FASLG: variants seen among roughly 807,000 people sequenced by gnomAD.
FASLG encodes the protein Fas ligand.
FASLG carries 9 observed loss-of-function variants against 24.6 expected under a neutral mutation model. That is an observed-to-expected ratio of 0.37 (90% CI 0.22 to 0.64). The LOEUF (loss-of-function observed/expected upper bound fraction) is 0.64, where lower values mean the gene tolerates loss of function less well. FASLG is among the 30% of genes least tolerant of loss of function. The pLI, the probability that FASLG is intolerant of heterozygous loss-of-function variation, is 0.64. For synonymous variants in FASLG, 130 were observed against 135.5 expected (o/e 0.96, Z 0.28); for missense variants, 306 against 345.3 (o/e 0.89, Z 0.90).
chr1:172,665,918 A>G lies in FASLG; in HGVS notation c.748A>G (p.Asn250Asp), dbSNP rs1659251672. ...CAGCAGCTACCTGGGGGCAGTGTTC[A>G]ATCTTACCAGTGCTGATCATTTATA... ...ARSSYLGAVFNLTSADHLYVN... is the reference protein window; with the variant it reads ...ARSSYLGAVFDLTSADHLYVN... Residue 250 changes from asparagine (N) to aspartate (D), a missense_variant, in exon 4 of 4, where the codon AAT becomes GAT. By Grantham distance (23) the Asn-to-Asp change is conservative. Coordinates refer to ENST00000367721, the MANE Select transcript of FASLG (RefSeq NM_000639.3). 6.2e-7 allele frequency: 1 copy of G among 1,612,206 alleles called. No homozygotes were observed.
Position 172,665,678 on chromosome 1 carries a change from C to G in FASLG, c.508C>G (p.Leu170Val). The G allele has an allele frequency of 6.2e-7, 1 of 1,614,158 alleles. No homozygotes were observed. Among genetic ancestry groups the G allele is most frequent in the Non-Finnish European group, 8.5e-7 (1 of 1,180,024 alleles). The part of the protein sequence containing the change: ...LEWEDTYGIV[L>V]LSGVKYKKGG... The stretch of plus-strand genomic sequence containing the variant: ...ATGGGAAGACACCTATGGAATTGTC[C>G]TGCTTTCTGGAGTGAAGTATAAGAA... Residue 170 changes from leucine (L) to valine (V), a missense_variant, in exon 4 of 4, where the codon CTG becomes GTG. Physicochemically the swap from Leu to Val is conservative, Grantham distance 32 (BLOSUM62 1). Transcript: ENST00000367721.
chr1:172,665,840 A>G lies in FASLG; in HGVS notation c.670A>G (p.Met224Val), dbSNP rs111238176. 6.2e-7 allele frequency: 1 copy of G among 1,614,090 alleles called. No homozygotes were observed. Among genetic ancestry groups the G allele is most frequent in the Non-Finnish European group, 8.5e-7 (1 of 1,180,004 alleles). ...RNSKYPQDLV[M>V]MEGKMMSYCT... ...CTCTAAGTATCCCCAGGATCTGGTGATGATGGAGGGGAAGATGATGAGCTA... is the reference window on the plus strand; with the variant it reads ...CTCTAAGTATCCCCAGGATCTGGTGGTGATGGAGGGGAAGATGATGAGCTA... Residue 224 changes from methionine to valine, a missense_variant, in exon 4 of 4, where the codon ATG becomes GTG. Transcript: ENST00000367721.
intron 3 of FASLG, 81 bp from the exon 4 acceptor site, chr1:172,665,541 G>T: frequency 1.3e-6 from 2 of 1,515,212 alleles, no homozygotes; most frequent in Non-Finnish European, 1.8e-6. Context: ...TGAAGGAAGG[G>T]CCCACAGTTT....
Position 172,659,172 on chromosome 1 carries a change from TGCTGG to T in FASLG, c.-28_-24del. ...AGGACTGAGAAGAAGTAAAACCGTTTGCTGGGGCTGGCCTGACTCACCAGCTGCCA... is the reference window on the plus strand; with the variant it reads ...AGGACTGAGAAGAAGTAAAACCGTTTGGCTGGCCTGACTCACCAGCTGCCA... On this transcript the variant is annotated 5_prime_UTR_variant, in exon 1 of 4. Transcript: ENST00000367721. 1 of 1,614,064 alleles carries T rather than the reference TGCTGG, an allele frequency of 6.2e-7. No homozygotes were observed. Among genetic ancestry groups the T allele is most frequent in the Admixed American group, 1.7e-5 (1 of 60,004 alleles).
rs61761322 is a variant in FASLG, at chr1:172,659,353, C to T, written c.152C>T (p.Pro51Leu). 84 of 1,611,992 alleles carry T rather than the reference C, an allele frequency of 5.2e-5. 1 individual carries two copies. The East Asian group carries it at 9.6e-4, about 18-fold the overall frequency. Residue 51 changes from proline to leucine, a missense_variant, in exon 1 of 4, where the codon CCG becomes CTG. Pro to Leu is a moderately conservative substitution (Grantham distance 98). Transcript: ENST00000367721. ...GQRRPPPPPP[P>L]PPLPPPPPPP... ...AGGAGGCCACCACCACCACCGCCAC[C>T]GCCACCACTACCACCTCCGCCGCCG...
chr1:172,665,765 G>C lies in FASLG; in HGVS notation c.595G>C (p.Gly199Arg). 1 of 1,613,974 alleles carries C rather than the reference G, an allele frequency of 6.2e-7. No homozygotes were observed. Among genetic ancestry groups the C allele is most frequent in the Non-Finnish European group, 8.5e-7 (1 of 1,179,988 alleles). The change falls in exon 4 of 4, where the codon GGT (glycine) becomes CGT (arginine). Residue 199 changes from glycine to arginine, a missense_variant. By Grantham distance (125) the Gly-to-Arg change is moderately radical. Coordinates refer to ENST00000367721, the MANE Select transcript of FASLG (RefSeq NM_000639.3). ...TGTATATTCCAAAGTATACTTCCGG[G>C]GTCAATCTTGCAACAACCTGCCCCT... is the stretch of plus-strand genomic sequence containing the variant. ...YFVYSKVYFR[G>R]QSCNNLPLSH...
chr1:172,660,484 G>A (rs1307440289), intron 2 of FASLG, among the ~76,000 whole-genome samples: 7 of 152,176 alleles, frequency 4.6e-5, no homozygotes, highest in East Asian at 1.9e-4. Flanking sequence ...TGGCACACAC[G>A]CCAGTGGCTG....
intron 1 of FASLG, 44 bp from the exon 2 acceptor site, chr1:172,660,051 A>G (rs1196814183): frequency 1.3e-6 from 2 of 1,589,186 alleles, no homozygotes; most frequent in East Asian, 2.2e-5. Context: ...TTGCTTAAAG[A>G]ATTTTATTTT....
intron 2 of FASLG, among the ~76,000 whole-genome samples, chr1:172,662,471 G>A (rs935601997): frequency 1.3e-5 from 2 of 152,340 alleles, no homozygotes; most frequent in African/African-American, 4.8e-5. Flanking sequence ...GGAGCTTTTA[G>A]CAGGGGGAAG....
chr1:172,665,923 T>C lies in FASLG; in HGVS notation c.753T>C (p.Leu251=), dbSNP rs1343581548. The C allele has an allele frequency of 6.2e-7, 1 of 1,613,364 alleles. No individual in the cohort carries two copies. Among genetic ancestry groups the C allele is most frequent in the Non-Finnish European group, 8.5e-7 (1 of 1,179,422 alleles). The change falls in exon 4 of 4, where the codon CTT becomes CTC. Residue 251 remains leucine, a synonymous_variant. Coordinates refer to ENST00000367721, the MANE Select transcript of FASLG (RefSeq NM_000639.3). ...RSSYLGAVFN[L]TSADHLYVNV... ...GCTACCTGGGGGCAGTGTTCAATCT[T>C]ACCAGTGCTGATCATTTATATGTCA...
At position 172,659,493 on chromosome 1, in the gene FASLG, G is replaced by GTT; in HGVS notation, c.292_293insTT (p.Gly98ValfsTer35). 2 of 1,614,080 alleles carry GTT rather than the reference G, an allele frequency of 1.2e-6. No homozygotes were observed. Among genetic ancestry groups the GTT allele is most frequent in the Non-Finnish European group, 1.7e-6 (2 of 1,180,010 alleles). ...GGTTCTGGTTGCCTTGGTAGGATTG[G>GTT]GCCTGGGGATGTTTCAGCTCTTCCA... On this transcript the variant is annotated frameshift_variant, in exon 1 of 4. Coordinates refer to ENST00000367721, the MANE Select transcript of FASLG (RefSeq NM_000639.3). LOFTEE classifies it high-confidence loss of function.
Position 172,659,124 on chromosome 1 carries a change from G to T in FASLG, c.-78G>T. 6.2e-7 allele frequency: 1 copy of T among 1,601,972 alleles called. No homozygotes were observed. The highest frequency in any genetic ancestry group is 8.5e-7 in the Non-Finnish European group (1 of 1,174,306). Reference sequence around the variant, plus strand: ...CTTGAGCAGTCAGCAACAGGGTCCCGTCCTTGACACCTCAGCCTCTACAGG... The same window carrying T: ...CTTGAGCAGTCAGCAACAGGGTCCCTTCCTTGACACCTCAGCCTCTACAGG... On this transcript the variant is annotated 5_prime_UTR_variant, in exon 1 of 4. Transcript: ENST00000367721.
rs747781769 is a variant in FASLG at position 172,660,062 on chromosome 1, T to C, written c.349-33T>C. The stretch of plus-strand genomic sequence containing the variant: ...TCTTTTGCTTAAAGAATTTTATTTT[T>C]ATTATACATCTTTTCTCTTTCTGTT... On this transcript the variant is annotated intron_variant, in intron 1 of 3. Transcript: ENST00000367721. 3.7e-6 allele frequency: 6 copies of C among 1,606,452 alleles called. No homozygotes were observed. In the South Asian group the frequency reaches 4.4e-5, roughly 12 times the overall value.
In FASLG at chr1:172,664,325, A is replaced by G. The variant is rs373975939; in HGVS notation, c.395-9A>G. ...TTTAACATATATTTTTCCTCTCTCT[A>G]TGATACAGGCCACCCCAGTCCACCC... is the stretch of plus-strand genomic sequence containing the variant. On this transcript the variant is annotated splice_polypyrimidine_tract_variant and intron_variant, in intron 2 of 3. Coordinates refer to ENST00000367721, the MANE Select transcript of FASLG (RefSeq NM_000639.3). 2.2e-5 allele frequency: 35 copies of G among 1,613,592 alleles called. No individual in the cohort carries two copies. Among genetic ancestry groups the G allele is most frequent in the Non-Finnish European group, 2.8e-5 (33 of 1,179,738 alleles).
At chr1:172,659,641 C>CTT (rs79818565) in intron 1 of FASLG, 92 bp downstream of exon 1, 372 of 1,203,044 alleles carry the variant, frequency 3.1e-4, no homozygotes, top group Non-Finnish European at 3.5e-4. Context: ...CTTTTCAATC[C>CTT]TTTTTTTTTT....
chr1:172,661,061 G>A (rs1659126170), intron 2 of FASLG, among the ~76,000 whole-genome samples: 2 of 152,210 alleles, frequency 1.3e-5, no homozygotes, highest in African/African-American at 4.8e-5. Context: ...TGCCATTGGG[G>A]CTAGAAGGAA....
Position 172,666,376 on chromosome 1 carries a change from A to G in FASLG, c.*360A>G. The G allele has an allele frequency of 4.2e-6, 1 of 236,076 alleles. No homozygotes were observed. The highest frequency in any genetic ancestry group is 8.5e-6 in the Non-Finnish European group (1 of 117,542). 14.6% of individuals were successfully genotyped at this position (236,076 alleles called of 1,614,324 possible). ...TCTCAAGGTGGGCCTTGCTACCTCA[A>G]GGGGGACTGTCTTTCAGATACATGG... On this transcript the variant is annotated 3_prime_UTR_variant, in exon 4 of 4. Transcript: ENST00000367721.
chr1:172,665,540 G>C lies in FASLG; in HGVS notation c.452-82G>C, dbSNP rs543947069. 15 of 1,509,392 alleles carry C rather than the reference G, an allele frequency of 9.9e-6. No homozygotes were observed. The East Asian group carries it at 2.0e-4, about 20-fold the overall frequency. The allele number at this position is 1,509,392 out of a possible 1,614,324, so 93.5% of individuals were successfully genotyped here. On this transcript the variant is annotated intron_variant, in intron 3 of 3. Transcript: ENST00000367721. Reference sequence around the variant, plus strand: ...TGGGTGAAACATTTGTTGAAGGAAGGGCCCACAGTTTTGCCTTAGAAACTT... The same window carrying C: ...TGGGTGAAACATTTGTTGAAGGAAGCGCCCACAGTTTTGCCTTAGAAACTT...
rs772841318 is a variant in FASLG at position 172,665,920 on chromosome 1, T to A, written c.750T>A (p.Asn250Lys). 1 of 1,612,652 alleles carries A rather than the reference T, an allele frequency of 6.2e-7. No individual in the cohort carries two copies. Among genetic ancestry groups the A allele is most frequent in the Non-Finnish European group, 8.5e-7 (1 of 1,178,818 alleles). ...ARSSYLGAVF[N>K]LTSADHLYVN... is the part of the protein sequence containing the mutation. ...GCAGCTACCTGGGGGCAGTGTTCAA[T>A]CTTACCAGTGCTGATCATTTATATG... Residue 250 changes from asparagine to lysine, a missense_variant, in exon 4 of 4, where the codon AAT (asparagine) becomes AAA (lysine). Physicochemically the swap from Asn to Lys is moderately conservative, Grantham distance 94. Transcript: ENST00000367721.
Sources: gnomAD v4.1 joint callset for allele counts (sites outside exome capture counted in the v4.1 genomes callset) on GRCh38, gnomAD v4.1.1 for gene constraint, MANE v1.5 for transcripts, NCBI Gene and HGNC (gene_info 2026-07-23, HGNC 2026-07-21) for gene names.